ACTR3C: variants seen among roughly 807,000 people sequenced by gnomAD.
ACTR3C encodes actin-related protein 3C.
A neutral mutation model predicts 26.3 loss-of-function variants in ACTR3C; 18 were observed. The observed-to-expected ratio is 0.68, with a 90% CI of 0.47 to 1.01. ACTR3C has a LOEUF of 1.01. Ranked by LOEUF, ACTR3C falls within the 50% of genes least tolerant of loss-of-function variation. The pLI, the probability that ACTR3C is intolerant of heterozygous loss-of-function variation, is 0.00. For synonymous variants in ACTR3C, 55 were observed against 94.5 expected (o/e 0.58, Z 2.42); for missense variants, 184 against 250.7 (o/e 0.73, Z 1.80).
chr7:149,953,005 A>G, the ACTR3C span, among the ~76,000 whole-genome samples: 7 of 152,224 alleles, frequency 4.6e-5, no homozygotes, highest in Non-Finnish European at 7.3e-5. Context: ...ACAAAGATAT[A>G]TGTACGAAAA....
chr7:150,282,244 G>C (rs1331602088), intron 6 of ACTR3C, among the ~76,000 whole-genome samples: 1 of 148,214 alleles, frequency 6.7e-6, no homozygotes. Context: ...GGGACCTGAG[G>C]CGATGTGTTC....
the ACTR3C span, among the ~76,000 whole-genome samples, chr7:149,899,023 G>T: frequency 6.6e-6 from 1 of 151,906 alleles, no homozygotes; most frequent in Non-Finnish European, 1.5e-5. Flanking sequence ...TCCTCCCCAA[G>T]TGAGTGTCAA....
chr7:149,911,437 C>A, the ACTR3C span, among the ~76,000 whole-genome samples: 3 of 152,014 alleles, frequency 2.0e-5, no homozygotes, highest in Non-Finnish European at 4.4e-5. Context: ...TCTACACCCC[C>A]GGCACAGTGA....
At chr7:150,005,787 C>T in the ACTR3C span, among the ~76,000 whole-genome samples, 1 of 152,220 alleles carries the variant, frequency 6.6e-6, no homozygotes, top group African/African-American at 2.4e-5. Context: ...TCTGACGGGA[C>T]ATAACTAACA....
the ACTR3C span, among the ~76,000 whole-genome samples, chr7:150,221,047 G>A: frequency 1.3e-5 from 2 of 152,266 alleles, no homozygotes; most frequent in East Asian, 1.9e-4. Flanking sequence ...TGGAGTGGGC[G>A]GAGGAGGAGC....
chr7:150,205,593 T>C, the ACTR3C span, among the ~76,000 whole-genome samples: 1 of 152,142 alleles, frequency 6.6e-6, no homozygotes, highest in Admixed American at 6.5e-5. Context: ...AAAAGCAAGA[T>C]ACAATACAGT....
At chr7:150,154,913 A>C in the ACTR3C span, among the ~76,000 whole-genome samples, 4 of 152,128 alleles carry the variant, frequency 2.6e-5, no homozygotes, top group African/African-American at 9.7e-5. Context: ...ACAACAACCT[A>C]TTTACATTTC....
At chr7:149,942,165 G>A in the ACTR3C span, among the ~76,000 whole-genome samples, 1 of 152,196 alleles carries the variant, frequency 6.6e-6, no homozygotes, top group South Asian at 2.1e-4. Flanking sequence ...CATGTATGCA[G>A]TATGAGTAAA....
At chr7:150,077,349 A>G in the ACTR3C span, among the ~76,000 whole-genome samples, 6 of 151,810 alleles carry the variant, frequency 4.0e-5, no homozygotes, top group African/African-American at 1.5e-4. Context: ...TCCAGAGCCT[A>G]CTGTAGGAGG....
the ACTR3C span, among the ~76,000 whole-genome samples, chr7:149,914,205 T>C: frequency 6.6e-6 from 1 of 151,694 alleles, no homozygotes; most frequent in African/African-American, 2.4e-5. Context: ...TGCAGCAATT[T>C]TGTCTTATTA....
At chr7:150,165,160 TC>T in the ACTR3C span, among the ~76,000 whole-genome samples, 1 of 152,192 alleles carries the variant, frequency 6.6e-6, no homozygotes, top group Non-Finnish European at 1.5e-5. Flanking sequence ...ATTCAACATC[TC>T]GGTATTGCCA....
At chr7:150,305,541 C>T (rs557344275) in intron 1 of ACTR3C, among the ~76,000 whole-genome samples, 72 of 152,320 alleles carry the variant, frequency 4.7e-4, no homozygotes, top group Admixed American at 8.5e-4. Flanking sequence ...CTCAGAGTCA[C>T]CACGCCCTCT....
At chr7:150,252,916 G>T (rs1832952796) in intron 6 of ACTR3C, among the ~76,000 whole-genome samples, 1 of 151,528 alleles carries the variant, frequency 6.6e-6, no homozygotes, top group African/African-American at 2.4e-5. Flanking sequence ...TCTCAATTGT[G>T]GATGATATTT....
chr7:149,922,076 G>A, the ACTR3C span, among the ~76,000 whole-genome samples: 35 of 143,228 alleles, frequency 2.4e-4, no homozygotes, highest in Non-Finnish European at 2.2e-4. Context: ...ACAACTCTTC[G>A]CCATGCTTAC....
At chr7:149,928,381 CTTTTTTTTTT>C in the ACTR3C span, among the ~76,000 whole-genome samples, 1 of 106,854 alleles carries the variant, frequency 9.4e-6, no homozygotes, top group African/African-American at 3.4e-5. Context: ...TTTTGTATTT[CTTTTTTTTTT>C]TTTTTTTTTT....
At chr7:150,037,464 C>T in the ACTR3C span, among the ~76,000 whole-genome samples, 2 of 55,850 alleles carry the variant, frequency 3.6e-5, 1 homozygote, top group African/African-American at 1.1e-4. Flanking sequence ...GGGGTGCCTC[C>T]CCCCCCTGCG....
chr7:150,193,374 G>A, the ACTR3C span, among the ~76,000 whole-genome samples: 1 of 145,430 alleles, frequency 6.9e-6, no homozygotes. Flanking sequence ...CCAGTTTTCG[G>A]TTTAATTGAT....
At chr7:150,038,339 C>G in the ACTR3C span, among the ~76,000 whole-genome samples, 2 of 144,036 alleles carry the variant, frequency 1.4e-5, 1 homozygote, top group Non-Finnish European at 3.0e-5. Flanking sequence ...GTCCAGCTGC[C>G]ATCTTTTCTC....
chr7:150,097,704 A>G, the ACTR3C span, among the ~76,000 whole-genome samples: 2 of 151,496 alleles, frequency 1.3e-5, no homozygotes, highest in African/African-American at 4.9e-5. Flanking sequence ...CAAGGCTCCA[A>G]AACGCATGAG....
Sources: allele counts gnomAD v4.1 joint callset (sites outside exome capture counted in the v4.1 genomes callset), GRCh38; gene constraint gnomAD v4.1.1; transcripts MANE v1.5; gene names NCBI Gene and HGNC (gene_info 2026-07-23, HGNC 2026-07-21).